The following PLAA variants were observed in gnomAD, a reference collection of about 807,000 sequenced individuals.
PLAA encodes phospholipase A-2-activating protein.
In PLAA, 48 loss-of-function variants were observed where a neutral mutation model predicts 84.1. The observed-to-expected ratio is 0.57, with a 90% CI of 0.45 to 0.73. The LOEUF is 0.73. Ranked by LOEUF, PLAA falls within the 30% of genes least tolerant of loss-of-function variation. The pLI is 0.00. For missense variants in PLAA, 903 were observed against 954.7 expected (o/e 0.95, Z 0.71); for synonymous variants, 392 against 336.6 (o/e 1.16, Z -1.80).
At position 26,911,416 on chromosome 9, in the gene PLAA, G is replaced by A. The variant is rs187883365; in HGVS notation, c.1556-977C>T. ...TCCACCTGCCTTGGCCTCCCAAAGT[G>A]CTGGGATTACAGGCATAAGCCACCA... On this transcript the variant is annotated intron_variant, in intron 11 of 13. Transcript: ENST00000397292. Among the ~76,000 whole-genome samples, 419 of 152,246 alleles carry A rather than the reference G, an allele frequency of 2.8e-3. 3 individuals carry two copies. The highest frequency in any genetic ancestry group is 4.1e-3 in the Non-Finnish European group (277 of 68,026).
At position 26,937,652 on chromosome 9, in the gene PLAA, G is replaced by C. The variant is rs373700384; in HGVS notation, c.150-2446C>G. ...AAAGAACTAAAGGAAGATGGAGAAAGTCAAGAAAATTATGCATGAAGAAAA... is the reference window on the plus strand; with the variant it reads ...AAAGAACTAAAGGAAGATGGAGAAACTCAAGAAAATTATGCATGAAGAAAA... On this transcript the variant is annotated intron_variant, in intron 1 of 13. Transcript: ENST00000397292. Among the ~76,000 whole-genome samples, 17 of 152,202 alleles carry C rather than the reference G, an allele frequency of 1.1e-4. No homozygotes were observed. In the East Asian group the frequency reaches 3.3e-3, roughly 29 times the overall value.
rs1361681468 is a variant in PLAA at position 26,923,193 on chromosome 9, G to A, written c.1024C>T (p.His342Tyr). The A allele has an allele frequency of 3.1e-6, 5 of 1,596,742 alleles. No homozygotes were observed. In the South Asian group the frequency reaches 4.5e-5, roughly 14 times the overall value. Reference protein sequence around the residue: ...INAEQLPGREHLNEPGTREGQ... With the variant: ...INAEQLPGREYLNEPGTREGQ... ...AAATACTTACCAGGTTCATTAAGAT[G>A]TTCCCTCCCAGGAAGCTGCTCAGCA... Residue 342 changes from histidine to tyrosine, a missense_variant, in exon 7 of 14, where the codon CAT becomes TAT. By Grantham distance (83) the His-to-Tyr change is moderately conservative. Transcript: ENST00000397292.
chr9:26,913,918 T>C lies in PLAA; in HGVS notation c.1516A>G (p.Ser506Gly), dbSNP rs765755261. The change falls in exon 11 of 14, where the codon AGT (serine) becomes GGT (glycine). Residue 506 changes from serine (S) to glycine (G), a missense_variant. By Grantham distance (56) the Ser-to-Gly change is moderately conservative. Transcript: ENST00000397292. ...GAGRYVPGSA[S>G]MGTTMAGVDP... ...ACTCCGGCCATGGTAGTTCCCATAC[T>C]TGCAGAACCTGGTACATAACGACCA... 6 of 1,612,520 alleles carry C rather than the reference T, an allele frequency of 3.7e-6. No individual in the cohort carries two copies. Among genetic ancestry groups the C allele is most frequent in the South Asian group, 3.3e-5 (3 of 91,010 alleles).
chr9:26,918,531 T>C (rs963837479), intron 9 of PLAA, among the ~76,000 whole-genome samples: 1 of 151,962 alleles, frequency 6.6e-6, no homozygotes, highest in African/African-American at 2.4e-5. Context: ...GAATGTGGAG[T>C]AGCTGTCAGG....
chr9:26,928,458 C>A (rs770889851), intron 2 of PLAA, 50 bp from the exon 3 acceptor site: 3 of 1,268,732 alleles, frequency 2.4e-6, no homozygotes, highest in Admixed American at 1.7e-5. Context: ...GAAAAATGCT[C>A]AACATTGAAA....
chr9:26,917,164 A>G lies in PLAA; in HGVS notation c.1419T>C (p.Gly473=). The change falls in exon 10 of 14, where the codon GGT becomes GGC. Residue 473 remains glycine, a splice_region_variant and synonymous_variant. Coordinates refer to ENST00000397292, the MANE Select transcript of PLAA (RefSeq NM_001031689.3). ...AAGAGCCCGGAACATACCGACCACC[A>G]CCTGTGCATGCAAAATAAAGAAAAG... ...GNPSFSDPFT[G]GGRYVPGSSG... is the part of the protein sequence containing the mutation. 1 of 1,613,618 alleles carries G rather than the reference A, an allele frequency of 6.2e-7. No homozygotes were observed. The highest frequency in any genetic ancestry group is 2.2e-5 in the East Asian group (1 of 44,850).
In PLAA at chr9:26,934,391, T is replaced by C. The variant is rs138475799; in HGVS notation, c.343+622A>G. On this transcript the variant is annotated intron_variant, in intron 2 of 13. Transcript: ENST00000397292. ...AAATACTTTTAGTTTTCTGAATAAA[T>C]GCATTCATTGCATGAAATAGTTAAA... Among the ~76,000 whole-genome samples, 1,080 of 152,076 alleles carry C rather than the reference T, an allele frequency of 7.1e-3. 16 individuals carry two copies. The highest frequency in any genetic ancestry group is 0.025 in the African/African-American group (1,021 of 41,468).
chr9:26,928,184 G>C lies in PLAA; in HGVS notation c.481C>G (p.Pro161Ala), dbSNP rs778429815. 1 of 1,614,144 alleles carries C rather than the reference G, an allele frequency of 6.2e-7. No individual in the cohort carries two copies. The highest frequency in any genetic ancestry group is 8.5e-7 in the Non-Finnish European group (1 of 1,180,016). Residue 161 changes from proline (P) to alanine (A), a missense_variant, in exon 4 of 14, where the codon CCT becomes GCT. Transcript: ENST00000397292. ...TAAVWAVKIL[P>A]EQGLMLTGSA... Reference sequence around the variant, plus strand: ...CCAGTCAACATTAAGCCCTGTTCAGGTAAGATCTTTACCGCCCACACTGCA... The same window carrying C: ...CCAGTCAACATTAAGCCCTGTTCAGCTAAGATCTTTACCGCCCACACTGCA...
At chr9:26,936,932 G>A (rs1474620763) in intron 1 of PLAA, among the ~76,000 whole-genome samples, 1 of 152,160 alleles carries the variant, frequency 6.6e-6, no homozygotes, top group Non-Finnish European at 1.5e-5. Flanking sequence ...CCTGAGGTCA[G>A]GAGTTGGAGA....
Position 26,919,430 on chromosome 9 carries a change from A to C in PLAA, c.1297T>G (p.Phe433Val). 1 of 1,611,466 alleles carries C rather than the reference A, an allele frequency of 6.2e-7. No individual in the cohort carries two copies. Among genetic ancestry groups the C allele is most frequent in the South Asian group, 1.1e-5 (1 of 91,014 alleles). Reference sequence around the variant, plus strand: ...GGATTCAAATCATTCTTCTGTAAGAAGTTGTATGCAGTTAACCAAGGGTCA... The same window carrying C: ...GGATTCAAATCATTCTTCTGTAAGACGTTGTATGCAGTTAACCAAGGGTCA... ...SDDPWLTAYN[F>V]LQKNDLNPMF... Residue 433 changes from phenylalanine (F) to valine (V), a missense_variant, in exon 9 of 14, where the codon TTC becomes GTC. Transcript: ENST00000397292.
intron 1 of PLAA, among the ~76,000 whole-genome samples, chr9:26,944,770 T>C (rs982871581): frequency 6.6e-6 from 1 of 152,104 alleles, no homozygotes; most frequent in Non-Finnish European, 1.5e-5. Context: ...TGTGGCAAAA[T>C]GCAAGTTCTT....
Position 26,919,553 on chromosome 9 carries a change from G to A in PLAA, c.1198-24C>T, listed in dbSNP as rs1242712083. On this transcript the variant is annotated intron_variant, in intron 8 of 13. Coordinates refer to ENST00000397292, the MANE Select transcript of PLAA (RefSeq NM_001031689.3). ...TCCTAAAGTAGGAATATAAAAAGGA[G>A]ATACATGCTTATTATCTGTTCACAT... 4.1e-6 allele frequency: 5 copies of A among 1,227,616 alleles called. No individual in the cohort carries two copies. In the African/African-American group the frequency reaches 4.5e-5, roughly 11 times the overall value. The allele number at this position is 1,227,616 out of a possible 1,614,324, so 76.0% of individuals were successfully genotyped here. A position where few individuals can be genotyped will look rare whatever the true frequency, so the allele number is the denominator to read the frequency against.
chr9:26,906,828 G>C (rs1222408042), intron 13 of PLAA, among the ~76,000 whole-genome samples: 1 of 151,918 alleles, frequency 6.6e-6, no homozygotes, highest in African/African-American at 2.4e-5. Context: ...CCATCTGAAT[G>C]AATGCACAAA....
In PLAA at chr9:26,904,799, A is replaced by C. The variant is rs1824177594; in HGVS notation, c.*712T>G. ...CAAAAATAAACAGCCAAATATCAAA[A>C]CTAGAATGAAAAATGAAGTTACCTC... On this transcript the variant is annotated 3_prime_UTR_variant, in exon 14 of 14. Coordinates refer to ENST00000397292, the MANE Select transcript of PLAA (RefSeq NM_001031689.3). The C allele has an allele frequency of 1.3e-5, 2 of 152,402 alleles. No homozygotes were observed. The highest frequency in any genetic ancestry group is 6.5e-5 in the Admixed American group (1 of 15,276). The allele number at this position is 152,402 out of a possible 1,614,324, so 9.4% of individuals were successfully genotyped here.
rs143324090 is a variant in PLAA at position 26,933,225 on chromosome 9, G to A, written c.343+1788C>T. 2.2e-3 allele frequency among the ~76,000 whole-genome samples: 333 copies of A among 151,054 alleles called. 10 individuals carry two copies. In the East Asian group the frequency reaches 0.053, roughly 24 times the overall value. ...AGACGTTGCAGTGAGCCAAGATCAC[G>A]CCACTGCACTCCAGCCTGGTGAAAG... On this transcript the variant is annotated intron_variant, in intron 2 of 13. Transcript: ENST00000397292.
chr9:26,943,337 C>A (rs902574095), intron 1 of PLAA, among the ~76,000 whole-genome samples: 6 of 152,152 alleles, frequency 3.9e-5, no homozygotes, highest in South Asian at 2.1e-4. Flanking sequence ...TACTCTAAAA[C>A]AGAACTATTT....
chr9:26,913,995 A>G (rs560316086), intron 10 of PLAA, 48 bp from the exon 11 acceptor site: 2 of 1,353,926 alleles, frequency 1.5e-6, no homozygotes, highest in Non-Finnish European at 2.1e-6. Flanking sequence ...TGTAAATTAT[A>G]AAGTTCAAAC....
At chr9:26,937,809 T>G (rs1563919658) in intron 1 of PLAA, among the ~76,000 whole-genome samples, 1 of 151,168 alleles carries the variant, frequency 6.6e-6, no homozygotes, top group African/African-American at 2.4e-5. Flanking sequence ...GAAGAAATAA[T>G]TAGCAAACTT....
In PLAA at chr9:26,917,152, A is replaced by G. The variant is rs1426412887; in HGVS notation, c.1431T>C (p.Tyr477=). The G allele has an allele frequency of 6.2e-7, 1 of 1,613,830 alleles. No homozygotes were observed. The highest frequency in any genetic ancestry group is 1.3e-5 in the African/African-American group (1 of 74,932). ...TAGAAGATCCCGAAGAGCCCGGAAC[A>G]TACCGACCACCACCTGTGCATGCAA... The part of the protein sequence containing the change: ...FSDPFTGGGR[Y]VPGSSGSSNT... Residue 477 remains tyrosine, a synonymous_variant, in exon 10 of 14, where the codon TAT becomes TAC. Coordinates refer to ENST00000397292, the MANE Select transcript of PLAA (RefSeq NM_001031689.3).
Sources: allele counts gnomAD v4.1 joint callset (sites outside exome capture counted in the v4.1 genomes callset), GRCh38; gene constraint gnomAD v4.1.1; transcripts MANE v1.5; gene names NCBI Gene and HGNC (gene_info 2026-07-23, HGNC 2026-07-21).